The following CCDC30 variants were observed in gnomAD, a reference collection of about 807,000 sequenced individuals.
CCDC30 encodes the protein coiled-coil domain containing 30, also known as coiled-coil domain-containing protein 30.
A neutral mutation model predicts 100.2 loss-of-function variants in CCDC30; 70 were observed. That is an observed-to-expected ratio of 0.70 (90% CI 0.58 to 0.85). The LOEUF is 0.85. CCDC30 is among the 40% of genes least tolerant of loss of function. CCDC30 has a pLI of 0.00. For missense variants in CCDC30, 652 were observed against 771.2 expected, an observed-to-expected ratio of 0.85 and a Z score of 1.83; for synonymous variants, 233 against 269.5, an observed-to-expected ratio of 0.86 and a Z score of 1.33.
intron 1 of CCDC30, among the ~76,000 whole-genome samples, chr1:42,465,536 G>A (rs1324081508): frequency 6.6e-6 from 1 of 152,064 alleles, no homozygotes; most frequent in African/African-American, 2.4e-5. Context: ...TGCTAATTTT[G>A]TATTTTTAGT....
At chr1:42,637,153 A>C in intron 11 of CCDC30, 84 bp from the exon 16 acceptor site, 1 of 1,054,758 alleles carries the variant, frequency 9.5e-7, no homozygotes, top group Admixed American at 2.9e-5. Context: ...CAAGAAGAGG[A>C]CACCCAAGAA....
intron 7 of CCDC30, among the ~76,000 whole-genome samples, chr1:42,569,581 A>G (rs1163890426): frequency 1.3e-5 from 2 of 152,206 alleles, no homozygotes; most frequent in Non-Finnish European, 2.9e-5. Flanking sequence ...ATTCCTGAGG[A>G]TCTAGAACCA....
intron 11 of CCDC30, among the ~76,000 whole-genome samples, chr1:42,624,009 C>A (rs1646887752): frequency 6.6e-6 from 1 of 152,108 alleles, no homozygotes; most frequent in African/African-American, 2.4e-5. Flanking sequence ...AATGGAATCG[C>A]TTTTTAATTT....
intron 6 of CCDC30, chr1:42,542,883 C>T (rs945491707): frequency 6.5e-6 from 1 of 153,458 alleles, no homozygotes; most frequent in Non-Finnish European, 1.5e-5. Flanking sequence ...ACAGGGTCTC[C>T]CTATTTTGCC....
intron 6 of CCDC30, among the ~76,000 whole-genome samples, chr1:42,528,854 G>T (rs1338621314): frequency 1.3e-5 from 2 of 152,190 alleles, no homozygotes; most frequent in Admixed American, 6.5e-5. Flanking sequence ...AATGTTATCT[G>T]TGACATTCTG....
chr1:42,593,773 A>G (rs1467463695), intron 10 of CCDC30: 1 of 152,504 alleles, frequency 6.6e-6, no homozygotes, highest in African/African-American at 2.4e-5. Flanking sequence ...CAAAATATGT[A>G]TGTATTATAC....
chr1:42,652,927 G>A (rs1444274310), intron 15 of CCDC30, among the ~76,000 whole-genome samples: 1 of 152,084 alleles, frequency 6.6e-6, no homozygotes, highest in Non-Finnish European at 1.5e-5. Flanking sequence ...TTTTTGGGGG[G>A]TGATGAAAAT....
chr1:42,611,961 A>AT lies in CCDC30; in HGVS notation c.1277+881dup, dbSNP rs1007331563. Among the ~76,000 whole-genome samples the AT allele has an allele frequency of 2.0e-3, 300 of 149,912 alleles. 6 individuals carry two copies. The highest frequency in any genetic ancestry group is 3.4e-3 in the Middle Eastern group (1 of 290). On this transcript the variant is annotated intron_variant, in intron 11 of 16. Transcript: ENST00000668663. ...GGCATAAGCCACTGTGCCCAGTGCA[A>AT]TTTTTTTTTTGTAATTATTTATGGC...
chr1:42,558,428 A>C (rs768968959), intron 6 of CCDC30, among the ~76,000 whole-genome samples: 12 of 152,232 alleles, frequency 7.9e-5, no homozygotes, highest in Non-Finnish European at 7.3e-5. Flanking sequence ...AAGCATCAAC[A>C]GTAATGGGAA....
At chr1:42,518,955 C>A (rs1192636986) in intron 6 of CCDC30, among the ~76,000 whole-genome samples, 1 of 152,104 alleles carries the variant, frequency 6.6e-6, no homozygotes, top group Non-Finnish European at 1.5e-5. Context: ...CAGATTCTTT[C>A]TGTTCCATGT....
intron 7 of CCDC30, among the ~76,000 whole-genome samples, chr1:42,567,068 G>A (rs1415280140): frequency 2.0e-5 from 3 of 152,070 alleles, no homozygotes; most frequent in Non-Finnish European, 4.4e-5. Context: ...TAAGGACTTA[G>A]TTTCTATAAG....
At chr1:42,462,998 TGAGTCC>T (rs1231915571), upstream of CCDC30, among the ~76,000 whole-genome samples, 471 of 152,364 alleles carry the variant, frequency 3.1e-3, 3 homozygotes, top group African/African-American at 0.011. Context: ...GGGCTCCAGC[TGAGTCC>T]TGGCGGGAAG....
At chr1:42,530,181 T>C (rs1644785295) in intron 6 of CCDC30, among the ~76,000 whole-genome samples, 1 of 152,196 alleles carries the variant, frequency 6.6e-6, no homozygotes, top group African/African-American at 2.4e-5. Context: ...AGTAGTAGTC[T>C]AATGCCATGT....
At position 42,642,475 on chromosome 1, in the gene CCDC30, GA is replaced by G; in HGVS notation, c.1424del (p.Lys475ArgfsTer16). The G allele has an allele frequency of 1.3e-6, 2 of 1,556,208 alleles. No homozygotes were observed. Among genetic ancestry groups the G allele is most frequent in the Non-Finnish European group, 1.7e-6 (2 of 1,152,652 alleles). ...TTAGGAGACTTTCTAATCCCTAGGA[GA>G]AGGCAATACAGGACCAGATCACTGC... is the stretch of plus-strand genomic sequence containing the variant. On this transcript the variant is annotated frameshift_variant, in exon 13 of 17. Coordinates refer to ENST00000668663, the Ensembl canonical transcript of CCDC30. LOFTEE classifies it high-confidence loss of function.
At chr1:42,526,525 C>A (rs1186862538) in intron 6 of CCDC30, among the ~76,000 whole-genome samples, 1 of 152,044 alleles carries the variant, frequency 6.6e-6, no homozygotes, top group Admixed American at 6.6e-5. Context: ...TTTCCCAGGC[C>A]TTGTTTTTAT....
chr1:42,642,219 T>C (rs12034207), intron 12 of CCDC30, among the ~76,000 whole-genome samples: 19,818 of 151,644 alleles, frequency 0.13, 1,518 homozygotes, highest in East Asian at 0.3. Flanking sequence ...GGGCAAGTTC[T>C]GTCTTAAACA....
At chr1:42,503,916 G>GAC (rs1464917427) in intron 6 of CCDC30, among the ~76,000 whole-genome samples, 1 of 152,166 alleles carries the variant, frequency 6.6e-6, no homozygotes, top group African/African-American at 2.4e-5. Context: ...AGGAATTAAA[G>GAC]ACACACACAC....
chr1:42,642,099 A>C (rs1053036857), intron 12 of CCDC30, among the ~76,000 whole-genome samples: 2 of 151,204 alleles, frequency 1.3e-5, no homozygotes, highest in Non-Finnish European at 3.0e-5. Flanking sequence ...AGTGGTGGGC[A>C]CCTGTAGTCC....
chr1:42,636,454 A>G (rs1647158486), intron 11 of CCDC30, among the ~76,000 whole-genome samples: 1 of 152,120 alleles, frequency 6.6e-6, no homozygotes, highest in Non-Finnish European at 1.5e-5. Context: ...AGGACTGAGA[A>G]CAGGCCAAGC....
Sources: gnomAD v4.1 joint callset for allele counts (sites outside exome capture counted in the v4.1 genomes callset) on GRCh38, gnomAD v4.1.1 for gene constraint, MANE v1.5 for transcripts, NCBI Gene and HGNC (gene_info 2026-07-23, HGNC 2026-07-21) for gene names.